The following TMTC1 variants were observed in gnomAD, a reference collection of about 807,000 sequenced individuals.
TMTC1 encodes the protein protein O-mannosyl-transferase TMTC1.
TMTC1 carries 73 observed loss-of-function variants against 104.8 expected under a neutral mutation model. The ratio of observed to expected loss-of-function variants is 0.70; its 90% confidence interval spans 0.58 to 0.85. The LOEUF (loss-of-function observed/expected upper bound fraction) is 0.85. Ranked by LOEUF, TMTC1 falls within the 40% of genes least tolerant of loss-of-function variation. TMTC1 has a pLI of 0.00. For missense variants in TMTC1, 1,035 were observed against 1,096.1 expected, an observed-to-expected ratio of 0.94 and a Z score of 0.79; for synonymous variants, 434 against 428.7, an observed-to-expected ratio of 1.01 and a Z score of -0.15.
chr12:29,691,676 T>C lies in TMTC1; in HGVS notation c.939-58340A>G, dbSNP rs1034298736. On this transcript the variant is annotated intron_variant, in intron 5 of 17. Transcript: ENST00000539277. ...ACTTCTCAGGATGTTTCATAAGACA[T>C]GATGAGGAAGTCATACGGTAACAAC... Among the ~76,000 whole-genome samples, 3 of 127,608 alleles carry C rather than the reference T, an allele frequency of 2.4e-5. 1 individual carries two copies. In the East Asian group the frequency reaches 7.8e-4, roughly 33 times the overall value. 83.7% of individuals were successfully genotyped at this position (127,608 alleles called of 152,430 possible).
intron 11 of TMTC1, 108 bp from the exon 12 acceptor site, chr12:29,520,828 A>G: frequency 1.3e-6 from 1 of 795,314 alleles, no homozygotes; most frequent in Non-Finnish European, 2.0e-6. Flanking sequence ...CTTACTAAGC[A>G]CCTAATATAC....
chr12:29,706,940 T>C (rs1591953992), intron 5 of TMTC1, among the ~76,000 whole-genome samples: 2 of 152,024 alleles, frequency 1.3e-5, no homozygotes, highest in East Asian at 1.9e-4. Flanking sequence ...AAAGACAGGA[T>C]TGAAAGCAGC....
chr12:29,510,019 A>C (rs576249271), intron 17 of TMTC1, among the ~76,000 whole-genome samples: 1 of 152,356 alleles, frequency 6.6e-6, no homozygotes, highest in South Asian at 2.1e-4. Flanking sequence ...ATCTGAAAAC[A>C]TATTGAGCAC....
At chr12:29,782,295 T>C (rs542133736) in intron 1 of TMTC1, among the ~76,000 whole-genome samples, 1 of 152,366 alleles carries the variant, frequency 6.6e-6, no homozygotes, top group East Asian at 1.9e-4. Flanking sequence ...GTGGAAGACG[T>C]AAGTCAAAAG....
chr12:29,575,991 G>A (rs1945812747), intron 8 of TMTC1, among the ~76,000 whole-genome samples: 1 of 152,148 alleles, frequency 6.6e-6, no homozygotes, highest in Non-Finnish European at 1.5e-5. Flanking sequence ...TTTCCCTGAT[G>A]ATTAGTGATG....
intron 5 of TMTC1, among the ~76,000 whole-genome samples, chr12:29,691,451 C>CCTTTCTCTATCCCCT (rs1555187779): frequency 4.1e-5 from 6 of 146,882 alleles, no homozygotes; most frequent in Admixed American, 2.1e-4. Flanking sequence ...AATAATAAAA[C>CCTTTCTCTATCCCCT]TGGTTTCCCA....
chr12:29,772,840 C>T (rs1313924308), intron 1 of TMTC1, among the ~76,000 whole-genome samples: 1 of 152,070 alleles, frequency 6.6e-6, no homozygotes, highest in African/African-American at 2.4e-5. Context: ...TAACTATATT[C>T]CTCAAACGTT....
At chr12:29,643,829 T>TTATATATA in intron 5 of TMTC1, among the ~76,000 whole-genome samples, 1 of 75,284 alleles carries the variant, frequency 1.3e-5, no homozygotes, top group South Asian at 4.0e-4. Flanking sequence ...ATTTATATAT[T>TTATATATA]TATATATATT....
intron 5 of TMTC1, chr12:29,659,803 C>A: frequency 8.9e-7 from 1 of 1,122,916 alleles, no homozygotes; most frequent in Non-Finnish European, 1.3e-6. Context: ...CCTCAATATG[C>A]AAAGTCAGCC....
At chr12:29,649,526 C>T (rs542385748) in intron 5 of TMTC1, among the ~76,000 whole-genome samples, 50 of 152,322 alleles carry the variant, frequency 3.3e-4, no homozygotes, top group African/African-American at 1.1e-3. Flanking sequence ...CCCTGGCTTA[C>T]GCCCTCACCA....
intron 5 of TMTC1, among the ~76,000 whole-genome samples, chr12:29,688,035 A>T (rs1336207096): frequency 2.0e-5 from 3 of 152,144 alleles, no homozygotes; most frequent in African/African-American, 7.2e-5. Context: ...ATTTAAGAAA[A>T]CATACACTGA....
chr12:29,718,498 C>T lies in TMTC1; in HGVS notation c.938+33168G>A, dbSNP rs114366135. On this transcript the variant is annotated intron_variant, in intron 5 of 17. Coordinates refer to ENST00000539277, the MANE Select transcript of TMTC1 (RefSeq NM_001193451.2). ...CGACTTCTGGCCTACATGTGTGAAG[C>T]AGAACTCCAAATAGCCCTGGTAAGG... Among the ~76,000 whole-genome samples, 575 of 152,310 alleles carry T rather than the reference C, an allele frequency of 3.8e-3. 4 individuals are homozygous for T. Among genetic ancestry groups the T allele is most frequent in the African/African-American group, 0.013 (542 of 41,572 alleles).
At chr12:29,637,344 C>T (rs778786851) in intron 5 of TMTC1, among the ~76,000 whole-genome samples, 8 of 152,194 alleles carry the variant, frequency 5.3e-5, no homozygotes, top group Non-Finnish European at 1.0e-4. Flanking sequence ...ATCTCTGCCC[C>T]GCTGTGTTAT....
At chr12:29,680,565 A>T (rs566645754) in intron 5 of TMTC1, among the ~76,000 whole-genome samples, 1 of 152,252 alleles carries the variant, frequency 6.6e-6, no homozygotes, top group Non-Finnish European at 1.5e-5. Flanking sequence ...CGTTACAGTC[A>T]ATATTGCCTA....
chr12:29,614,566 A>G (rs1176790534), intron 6 of TMTC1, among the ~76,000 whole-genome samples: 1 of 152,194 alleles, frequency 6.6e-6, no homozygotes, highest in Non-Finnish European at 1.5e-5. Context: ...AATGGTATCA[A>G]ATGCTTGTAA....
intron 5 of TMTC1, among the ~76,000 whole-genome samples, chr12:29,738,553 T>G (rs1364995850): frequency 6.6e-6 from 1 of 152,206 alleles, no homozygotes; most frequent in Non-Finnish European, 1.5e-5. Context: ...AAAAAGATAT[T>G]TACTTCACAT....
intron 2 of TMTC1, among the ~76,000 whole-genome samples, chr12:29,760,894 T>C (rs114017655): frequency 0.015 from 2,277 of 148,416 alleles, 61 homozygotes; most frequent in African/African-American, 0.052. Flanking sequence ...GTATTACATA[T>C]ATGATATGCA....
chr12:29,767,409 C>T (rs1027060164), intron 2 of TMTC1, among the ~76,000 whole-genome samples: 9 of 152,086 alleles, frequency 5.9e-5, no homozygotes, highest in African/African-American at 9.7e-5. Flanking sequence ...TACAGTTCTG[C>T]GTAATAAACA....
intron 17 of TMTC1, 66 bp from the exon 18 acceptor site, chr12:29,507,052 A>G: frequency 7.1e-7 from 1 of 1,403,710 alleles, no homozygotes; most frequent in South Asian, 1.2e-5. Flanking sequence ...GAGAATGAAG[A>G]GACTAAGAAA....
Sources: gnomAD v4.1 joint callset for allele counts (sites outside exome capture counted in the v4.1 genomes callset) on GRCh38, gnomAD v4.1.1 for gene constraint, MANE v1.5 for transcripts, NCBI Gene and HGNC (gene_info 2026-07-23, HGNC 2026-07-21) for gene names.